GAK: variants seen among roughly 807,000 people sequenced by gnomAD.
GAK encodes the protein cyclin-G-associated kinase.
In GAK, 79 loss-of-function variants were observed where a neutral mutation model predicts 143.9. That is an observed-to-expected ratio of 0.55 (90% CI 0.46 to 0.66). The LOEUF is 0.66. Ranked by LOEUF, GAK falls within the 30% of genes least tolerant of loss-of-function variation. The probability of loss-of-function intolerance (pLI) is 0.00; values close to 1 mark genes in which losing one functional copy is unlikely to be tolerated. For synonymous variants in GAK, 881 were observed against 765.5 expected, an observed-to-expected ratio of 1.15 and a Z score of -2.49; for missense variants, 1,693 against 1,779.7, an observed-to-expected ratio of 0.95 and a Z score of 0.88.
At chr4:884,144 C>G in intron 11 of GAK, 58 bp from the exon 12 acceptor site, 3 of 1,508,508 alleles carry the variant, frequency 2.0e-6, no homozygotes, top group Non-Finnish European at 2.8e-6. Context: ...AGTTAGGTCA[C>G]AGGGCTTAAG....
At chr4:868,043 G>A (rs1187301778) in intron 20 of GAK, among the ~76,000 whole-genome samples, 4 of 152,250 alleles carry the variant, frequency 2.6e-5, no homozygotes, top group South Asian at 4.1e-4. Context: ...AAGGCCAGGG[G>A]TGCTGGGACA....
chr4:916,219 A>G (rs1230168124), intron 1 of GAK, among the ~76,000 whole-genome samples: 2 of 152,260 alleles, frequency 1.3e-5, no homozygotes, highest in Non-Finnish European at 2.9e-5. Context: ...TACCTAATAA[A>G]GGACTTCTAT....
chr4:872,017 G>A (rs1712744495), intron 18 of GAK, among the ~76,000 whole-genome samples: 1 of 152,202 alleles, frequency 6.6e-6, no homozygotes, highest in African/African-American at 2.4e-5. Context: ...GGAAACCCAG[G>A]CTGCCAGTGT....
At position 918,628 on chromosome 4, in the gene GAK, AG is replaced by A. The variant is rs1263551700; in HGVS notation, c.146-4961del. ...ATGCATATATACTTCAAAACATCAT[AG>A]CGTACATGACAAAGACATCAATTTT... On this transcript the variant is annotated intron_variant, in intron 1 of 27. Coordinates refer to ENST00000314167, the MANE Select transcript of GAK (RefSeq NM_005255.4). 3.9e-5 allele frequency among the ~76,000 whole-genome samples: 6 copies of A among 152,402 alleles called. No individual in the cohort carries two copies. The South Asian group carries it at 1.2e-3, about 32-fold the overall frequency.
chr4:896,625 C>T (rs1718822848), intron 6 of GAK, 76 bp from the exon 7 acceptor site: 5 of 1,148,494 alleles, frequency 4.4e-6, no homozygotes, highest in Middle Eastern at 3.8e-4. Context: ...CACTTCCGTG[C>T]AGCTTTCCAA....
intron 9 of GAK, 118 bp from the exon 10 acceptor site, chr4:890,740 G>A: frequency 1.3e-6 from 1 of 771,124 alleles, no homozygotes; most frequent in South Asian, 1.7e-5. Flanking sequence ...CCTGATCTAT[G>A]ACACAGTGCA....
intron 1 of GAK, among the ~76,000 whole-genome samples, chr4:916,423 T>C (rs1723098495): frequency 6.6e-6 from 1 of 152,084 alleles, no homozygotes; most frequent in Non-Finnish European, 1.5e-5. Flanking sequence ...CCCGGCTAAT[T>C]TTTTTATTCT....
rs541954580 is a variant in GAK, at chr4:893,595, C to G, written c.878-106G>C. 9.0e-5 allele frequency: 72 copies of G among 800,698 alleles called. No homozygotes were observed. In the African/African-American group the frequency reaches 1.2e-3, roughly 13 times the overall value. The allele number at this position is 800,698 out of a possible 1,614,324, so 49.6% of individuals were successfully genotyped here. A position where few individuals can be genotyped will look rare whatever the true frequency, so the allele number is the denominator to read the frequency against. The stretch of plus-strand genomic sequence containing the variant: ...CACCAGAGGCCACTCCCTCTACACA[C>G]ATCAGTGACGTCAGAAGCAAGAAGG... On this transcript the variant is annotated intron_variant, in intron 8 of 27. Coordinates refer to ENST00000314167, the MANE Select transcript of GAK (RefSeq NM_005255.4).
In GAK at chr4:849,537, C is replaced by T. The variant is rs182878020; in HGVS notation, c.*136G>A. The stretch of plus-strand genomic sequence containing the variant: ...CTCTTCATGTGCCTGGAACGCTGGG[C>T]GGGCGGTGACCCGGGGCTCGGAGCC... On this transcript the variant is annotated 3_prime_UTR_variant, in exon 28 of 28. Transcript: ENST00000314167. The T allele has an allele frequency of 1.6e-4, 103 of 635,364 alleles. 1 individual carries two copies. In the East Asian group the frequency reaches 2.2e-3, roughly 13 times the overall value. The allele number at this position is 635,364 out of a possible 1,614,324, so 39.4% of individuals were successfully genotyped here. A position where few individuals can be genotyped will look rare whatever the true frequency, so the allele number is the denominator to read the frequency against.
intron 26 of GAK, chr4:850,591 G>A: frequency 4.8e-6 from 1 of 209,458 alleles, no homozygotes; most frequent in Non-Finnish European, 9.7e-6. Context: ...AGAGACGCCT[G>A]CCCTCAACAG....
intron 1 of GAK, among the ~76,000 whole-genome samples, chr4:915,065 TCCCAGCGTGCACGGCCCCACACACACAGC>T (rs1722888739): frequency 5.3e-5 from 2 of 38,094 alleles, no homozygotes; most frequent in Admixed American, 3.9e-4. Context: ...ACACACACAG[TCCCAGCGTGCACGGCCCCACACACACAGC>T]CCCAGCGTAC....
chr4:918,545 A>C (rs1723409319), intron 1 of GAK, among the ~76,000 whole-genome samples: 1 of 152,278 alleles, frequency 6.6e-6, no homozygotes, highest in African/African-American at 2.4e-5. Flanking sequence ...AAAATGCCCC[A>C]AAACTGACAA....
chr4:929,770 T>C (rs1443363130), intron 1 of GAK, among the ~76,000 whole-genome samples: 2 of 152,026 alleles, frequency 1.3e-5, no homozygotes, highest in Non-Finnish European at 2.9e-5. Flanking sequence ...TAAAAACCCA[T>C]TCACACCACA....
chr4:909,676 T>C (rs773669423), intron 4 of GAK, among the ~76,000 whole-genome samples: 3 of 152,218 alleles, frequency 2.0e-5, no homozygotes, highest in Non-Finnish European at 4.4e-5. Flanking sequence ...TGAGGCTTTC[T>C]GGTCTTGACG....
chr4:886,912 G>C (rs974876755), intron 11 of GAK: 79 of 152,352 alleles, frequency 5.2e-4, no homozygotes, highest in African/African-American at 1.8e-3. Context: ...GGCCCACTAA[G>C]AGCAGGTTTC....
intron 24 of GAK, chr4:859,104 C>CA: frequency 1.1e-6 from 1 of 932,010 alleles, no homozygotes; most frequent in Non-Finnish European, 1.3e-6. Flanking sequence ...CAGGTCAGCC[C>CA]AAGGAGACTT....
chr4:852,030 T>C lies in GAK; in HGVS notation c.3284-56A>G, dbSNP rs925425311. ...CTGGTTGTCCATGAGGGGCAACTAC[T>C]GTTTCTATAACGCAGAGCACCACGT... On this transcript the variant is annotated intron_variant, in intron 24 of 27. Coordinates refer to ENST00000314167, the MANE Select transcript of GAK (RefSeq NM_005255.4). The C allele has an allele frequency of 5.7e-6, 8 of 1,398,624 alleles. No homozygotes were observed. In the African/African-American group the frequency reaches 8.5e-5, roughly 15 times the overall value. The allele number at this position is 1,398,624 out of a possible 1,614,324, so 86.6% of individuals were successfully genotyped here.
intron 20 of GAK, among the ~76,000 whole-genome samples, chr4:867,812 T>C (rs927521904): frequency 6.6e-6 from 1 of 152,224 alleles, no homozygotes; most frequent in Non-Finnish European, 1.5e-5. Flanking sequence ...TGGCGAGTGC[T>C]GCAGAAGCTT....
rs779079591 is a variant in GAK, at chr4:859,707, G to A, written c.3182C>T (p.Pro1061Leu). The change falls in exon 24 of 28, where the codon CCT becomes CTT. Residue 1061 changes from proline (P) to leucine (L), a missense_variant. Physicochemically the swap from Pro to Leu is moderately conservative, Grantham distance 98 (BLOSUM62 -3). Coordinates refer to ENST00000314167, the MANE Select transcript of GAK (RefSeq NM_005255.4). Reference sequence around the variant, plus strand: ...GCCACAAGGGGCCGGCTGACCTCCAGGAGAGAAGAGGGGGCCTGGAGAAGG... The same window carrying A: ...GCCACAAGGGGCCGGCTGACCTCCAAGAGAGAAGAGGGGGCCTGGAGAAGG... ...TPATEGPLFS[P>L]GGQPAPCGSQ... The A allele has an allele frequency of 2.5e-6, 4 of 1,592,740 alleles. No individual in the cohort carries two copies. The highest frequency in any genetic ancestry group is 3.4e-6 in the Non-Finnish European group (4 of 1,163,076).
Sources: allele counts gnomAD v4.1 joint callset (sites outside exome capture counted in the v4.1 genomes callset), GRCh38; gene constraint gnomAD v4.1.1; transcripts MANE v1.5; gene names NCBI Gene and HGNC (gene_info 2026-07-23, HGNC 2026-07-21).